Variants in ERCC1 observed in about 807,000 individuals in gnomAD.
ERCC1 encodes the protein DNA excision repair protein ERCC-1.
In ERCC1, 36 loss-of-function variants were observed where a neutral mutation model predicts 37.6. The ratio of observed to expected loss-of-function variants is 0.96; its 90% confidence interval spans 0.73 to 1.26. ERCC1 has a LOEUF of 1.26. Among genes scored for constraint, ERCC1 ranks in the 50% most tolerant of loss-of-function variants. ERCC1 has a pLI of 0.00. For missense variants in ERCC1, 349 were observed against 376.5 expected, an observed-to-expected ratio of 0.93 and a Z score of 0.60; for synonymous variants, 156 against 162.1, an observed-to-expected ratio of 0.96 and a Z score of 0.28.
Position 45,409,688 on chromosome 19 carries a change from A to C in ERCC1, c.881T>G (p.Leu294Trp). 9.5e-7 allele frequency: 1 copy of C among 1,057,788 alleles called. No homozygotes were observed. The highest frequency in any genetic ancestry group is 1.5e-6 in the Non-Finnish European group (1 of 672,216). 65.5% of individuals were successfully genotyped at this position (1,057,788 alleles called of 1,614,324 possible). The part of the protein sequence containing the change: ...RLFDVLHEPF[L>W]KVP ...CAGCTGGGGTCATCAGGGTACTTTC[A>C]AGAAGGGCTCGTGCAGGACATCAAA... Residue 294 changes from leucine (L) to tryptophan (W), a missense_variant, in exon 10 of 10, where the codon TTG becomes TGG. Coordinates refer to ENST00000300853, the MANE Select transcript of ERCC1 (RefSeq NM_001983.4).
intron 1 of ERCC1, among the ~76,000 whole-genome samples, chr19:45,445,945 A>G (rs900733393): frequency 6.6e-6 from 1 of 152,058 alleles, no homozygotes; most frequent in African/African-American, 2.4e-5. Context: ...CTGGAGTGCA[A>G]TGGCGTGGTC....
At chr19:45,419,306 C>T (rs370453354) in intron 4 of ERCC1, 109 bp from the exon 5 acceptor site, 1 of 801,012 alleles carries the variant, frequency 1.2e-6, no homozygotes, top group Non-Finnish European at 2.1e-6. Context: ...GCATGGGGGA[C>T]AGAGGGTCCT....
At chr19:45,414,705 C>T in intron 7 of ERCC1, 156 bp downstream of exon 7, 1 of 622,752 alleles carries the variant, frequency 1.6e-6, no homozygotes, top group South Asian at 1.7e-5. Flanking sequence ...CAGATTTGTG[C>T]TCAGGAAAAC....
chr19:45,445,424 T>C (rs1177879218), intron 1 of ERCC1, among the ~76,000 whole-genome samples: 2 of 152,176 alleles, frequency 1.3e-5, no homozygotes, highest in Admixed American at 1.3e-4. Context: ...GCTTACTCTT[T>C]GGAAATTGGA....
Position 45,446,789 on chromosome 19 carries a change from G to C in ERCC1, c.-7-23408C>G, listed in dbSNP as rs1966955724. On this transcript the variant is annotated intron_variant, in intron 1 of 8. Transcript: ENST00000423698. Reference sequence around the variant, plus strand: ...CCAAGGCGGGCAGATCACGAGGTCAGGAATTCGAGACCAGCCTGACCAACA... The same window carrying C: ...CCAAGGCGGGCAGATCACGAGGTCACGAATTCGAGACCAGCCTGACCAACA... Among the ~76,000 whole-genome samples, 3 of 152,158 alleles carry C rather than the reference G, an allele frequency of 2.0e-5. No individual in the cohort carries two copies. The South Asian group carries it at 6.2e-4, about 32-fold the overall frequency.
intron 1 of ERCC1, among the ~76,000 whole-genome samples, chr19:45,429,698 C>T (rs1974786913): frequency 6.6e-6 from 1 of 152,090 alleles, no homozygotes; most frequent in Non-Finnish European, 1.5e-5. Context: ...TTCCCATTCC[C>T]TAGAATGTTC....
chr19:45,442,241 G>A (rs948610628), intron 1 of ERCC1, among the ~76,000 whole-genome samples: 1 of 150,990 alleles, frequency 6.6e-6, no homozygotes, highest in Non-Finnish European at 1.5e-5. Flanking sequence ...GATCGGTTGA[G>A]CCCAGGAGGT....
chr19:45,427,581 T>C (rs1974726675), upstream of ERCC1, among the ~76,000 whole-genome samples: 1 of 152,136 alleles, frequency 6.6e-6, no homozygotes. Context: ...ACCACTGCAC[T>C]CTAGCCTGGG....
At chr19:45,427,498 C>T (rs9304649), upstream of ERCC1, among the ~76,000 whole-genome samples, 16,114 of 151,938 alleles carry the variant, frequency 0.11, 2,843 homozygotes, top group African/African-American at 0.37. Flanking sequence ...GCCTGTAATC[C>T]CAGCTACTCG....
At chr19:45,428,677 C>G (rs1974761232), upstream of ERCC1, among the ~76,000 whole-genome samples, 1 of 152,186 alleles carries the variant, frequency 6.6e-6, no homozygotes, top group Admixed American at 6.6e-5. Context: ...GGACCCTCAC[C>G]GACAATTCCG....
chr19:45,407,824 G>A lies in ERCC1; in HGVS notation c.*1851C>T. 1 of 276,484 alleles carries A rather than the reference G, an allele frequency of 3.6e-6. No individual in the cohort carries two copies. Among genetic ancestry groups the A allele is most frequent in the Non-Finnish European group, 6.8e-6 (1 of 146,854 alleles). The allele number at this position is 276,484 out of a possible 1,614,324, so 17.1% of individuals were successfully genotyped here. On this transcript the variant is annotated 3_prime_UTR_variant, in exon 10 of 10. Coordinates refer to ENST00000300853, the MANE Select transcript of ERCC1 (RefSeq NM_001983.4). ...GTAATCCCATCCTTTGGGAGGCCGAGGCGAGCAGATCACTTGAGGTCAGGA... is the reference window on the plus strand; with the variant it reads ...GTAATCCCATCCTTTGGGAGGCCGAAGCGAGCAGATCACTTGAGGTCAGGA...
intron 5 of ERCC1, among the ~76,000 whole-genome samples, chr19:45,417,636 C>G (rs28584199): frequency 0.014 from 2,142 of 152,046 alleles, 44 homozygotes; most frequent in African/African-American, 0.049. Flanking sequence ...CACACAGGGC[C>G]CCATAGGTCA....
At chr19:45,432,741 T>C (rs1974866030) in intron 1 of ERCC1, among the ~76,000 whole-genome samples, 1 of 152,156 alleles carries the variant, frequency 6.6e-6, no homozygotes, top group Admixed American at 6.6e-5. Flanking sequence ...GGGGTCTTGC[T>C]ATGTTGCCCA....
chr19:45,422,705 C>T (rs1161473502), intron 2 of ERCC1, among the ~76,000 whole-genome samples: 1 of 151,914 alleles, frequency 6.6e-6, no homozygotes, highest in African/African-American at 2.4e-5. Flanking sequence ...TGCAGTGAGC[C>T]GAGATGGTGC....
At chr19:45,414,331 G>C in intron 7 of ERCC1, 1 of 447,950 alleles carries the variant, frequency 2.2e-6, no homozygotes, top group Non-Finnish European at 4.2e-6. Context: ...ACAAAAATTA[G>C]ACAGGCATGG....
At chr19:45,429,126 CTG>C (rs1974774339) in intron 1 of ERCC1, 1 of 152,280 alleles carries the variant, frequency 6.6e-6, no homozygotes, top group African/African-American at 2.4e-5. Context: ...GCATGAGAGA[CTG>C]AGGTTGGATC....
rs753785698 is a variant in ERCC1 at position 45,421,377 on chromosome 19, C to T, written c.122G>A (p.Arg41Gln). ...VPPGVAKPLF[R>Q]STQSLPTVDT... ...CACAGTGGGAAGGCTCTGTGTAGAT[C>T]GGAATAAGGGCTTGGCCTGTGGGGA... Residue 41 changes from arginine to glutamine, a missense_variant, in exon 3 of 10, where the codon CGA becomes CAA. Coordinates refer to ENST00000300853, the MANE Select transcript of ERCC1 (RefSeq NM_001983.4). 9.9e-6 allele frequency: 16 copies of T among 1,610,292 alleles called. No individual in the cohort carries two copies. The highest frequency in any genetic ancestry group is 4.0e-5 in the African/African-American group (3 of 74,430).
In ERCC1 at chr19:45,423,703, G is replaced by A. The variant is rs200276265; in HGVS notation, c.-8+78C>T. 1.6e-5 allele frequency: 19 copies of A among 1,209,544 alleles called. No individual in the cohort carries two copies. The East Asian group carries it at 2.7e-4, about 17-fold the overall frequency. The allele number at this position is 1,209,544 out of a possible 1,614,324, so 74.9% of individuals were successfully genotyped here. On this transcript the variant is annotated intron_variant, in intron 1 of 9. Transcript: ENST00000300853. ...CATCTGGACGCCCTCCCCACGCCTG[G>A]CCTTGTCCATCTCTCAGACTCGGCA...
At chr19:45,433,865 G>C (rs1974898174) in intron 1 of ERCC1, among the ~76,000 whole-genome samples, 1 of 151,850 alleles carries the variant, frequency 6.6e-6, no homozygotes, top group Non-Finnish European at 1.5e-5. Flanking sequence ...GGGCACAGTG[G>C]CTCACACCTG....
Sources: allele counts gnomAD v4.1 joint callset (sites outside exome capture counted in the v4.1 genomes callset), GRCh38; gene constraint gnomAD v4.1.1; transcripts MANE v1.5; gene names NCBI Gene and HGNC (gene_info 2026-07-23, HGNC 2026-07-21).